PDS5A: variants seen among roughly 807,000 people sequenced by gnomAD.
PDS5A encodes the protein sister chromatid cohesion protein PDS5 homolog A.
PDS5A carries 42 observed loss-of-function variants against 167.1 expected under a neutral mutation model. The observed-to-expected ratio is 0.25, with a 90% confidence interval of 0.20 to 0.33. The LOEUF is 0.33. Among genes scored for constraint, PDS5A ranks in the 10% least tolerant of loss-of-function variants. The pLI is 1.00. For synonymous variants in PDS5A, 553 were observed against 554.6 expected (o/e 1.00, Z 0.04); for missense variants, 1,033 against 1,605.9 (o/e 0.64, Z 6.10).
chr4:39,885,719 A>G (rs1721398561), intron 17 of PDS5A, among the ~76,000 whole-genome samples: 1 of 152,212 alleles, frequency 6.6e-6, no homozygotes, highest in Non-Finnish European at 1.5e-5. Context: ...GTTCGAGACC[A>G]GCCTGGACGG....
intron 16 of PDS5A, among the ~76,000 whole-genome samples, chr4:39,891,131 T>G (rs942244958): frequency 4.0e-5 from 6 of 151,738 alleles, no homozygotes; most frequent in Admixed American, 3.9e-4. Flanking sequence ...CTTCCCAGGT[T>G]CAAACAACTC....
chr4:39,904,883 T>C (rs1723199313), intron 11 of PDS5A, among the ~76,000 whole-genome samples: 1 of 152,172 alleles, frequency 6.6e-6, no homozygotes, highest in African/African-American at 2.4e-5. Context: ...TGAAAGAAAA[T>C]TCACCAAGTT....
chr4:39,856,778 C>T (rs957706192), intron 26 of PDS5A, among the ~76,000 whole-genome samples: 34 of 151,626 alleles, frequency 2.2e-4, no homozygotes, highest in African/African-American at 8.0e-4. Flanking sequence ...ATCACGCCAC[C>T]GCACTCCAGC....
At chr4:39,859,948 C>T (rs973730815) in intron 26 of PDS5A, among the ~76,000 whole-genome samples, 5 of 152,148 alleles carry the variant, frequency 3.3e-5, no homozygotes, top group African/African-American at 9.7e-5. Flanking sequence ...ATGATGGTTC[C>T]TCAGGCTGGG....
chr4:39,883,882 C>T (rs1368068109), intron 17 of PDS5A, among the ~76,000 whole-genome samples: 2 of 151,482 alleles, frequency 1.3e-5, no homozygotes, highest in South Asian at 2.1e-4. Context: ...CACCCACCTC[C>T]GCCTCCCAAA....
intron 17 of PDS5A, among the ~76,000 whole-genome samples, chr4:39,881,563 C>A (rs545726587): frequency 6.6e-6 from 1 of 151,946 alleles, no homozygotes; most frequent in Admixed American, 6.6e-5. Context: ...GTATAATATA[C>A]CACACAATTC....
intron 22 of PDS5A, among the ~76,000 whole-genome samples, chr4:39,868,322 G>A (rs1560440464): frequency 6.6e-6 from 1 of 151,912 alleles, no homozygotes; most frequent in South Asian, 2.1e-4. Context: ...CACCACACCC[G>A]GCCAAATTAT....
Position 39,873,157 on chromosome 4 carries a change from AAC to A in PDS5A, c.2278-15_2278-14del, listed in dbSNP as rs1720191277. The stretch of plus-strand genomic sequence containing the variant: ...TCCTACTGAGTGGCTATAAAAATAA[AAC>A]AGACAAAATTACCAATTTGTTTGAT... On this transcript the variant is annotated splice_polypyrimidine_tract_variant and intron_variant, in intron 20 of 32. Coordinates refer to ENST00000303538, the MANE Select transcript of PDS5A (RefSeq NM_001100399.2). 2 of 1,446,938 alleles carry A rather than the reference AAC, an allele frequency of 1.4e-6. No individual in the cohort carries two copies. Among genetic ancestry groups the A allele is most frequent in the Non-Finnish European group, 1.9e-6 (2 of 1,077,604 alleles). The allele number at this position is 1,446,938 out of a possible 1,614,324, so 89.6% of individuals were successfully genotyped here.
chr4:39,842,125 A>C (rs955502314), intron 30 of PDS5A, 69 bp from the exon 31 acceptor site: 38 of 984,564 alleles, frequency 3.9e-5, no homozygotes, highest in Non-Finnish European at 5.9e-5. Flanking sequence ...CACCGTACCA[A>C]TAAAGAAAGG....
chr4:39,939,339 C>T (rs536806594), intron 2 of PDS5A, among the ~76,000 whole-genome samples: 7 of 152,046 alleles, frequency 4.6e-5, no homozygotes, highest in East Asian at 3.9e-4. Context: ...TGGAGACATG[C>T]GCCTGTAGTC....
chr4:39,930,057 T>C (rs2109741760), intron 2 of PDS5A, among the ~76,000 whole-genome samples: 2 of 150,064 alleles, frequency 1.3e-5, no homozygotes, highest in African/African-American at 4.9e-5. Flanking sequence ...CTACTAAAAA[T>C]ACAAAAAATT....
At chr4:39,906,153 A>G (rs967576475) in intron 11 of PDS5A, among the ~76,000 whole-genome samples, 1 of 152,218 alleles carries the variant, frequency 6.6e-6, no homozygotes, top group Admixed American at 6.5e-5. Context: ...AGATCCCTTG[A>G]GCCCAGAAGT....
At chr4:39,877,570 C>T (rs551898929) in intron 18 of PDS5A, among the ~76,000 whole-genome samples, 8 of 151,964 alleles carry the variant, frequency 5.3e-5, no homozygotes, top group Non-Finnish European at 7.4e-5. Context: ...CTTTGTGTAA[C>T]GTAAACAAAA....
chr4:39,877,239 A>C, intron 18 of PDS5A, 86 bp from the exon 19 acceptor site: 2 of 837,226 alleles, frequency 2.4e-6, no homozygotes, highest in South Asian at 4.3e-5. Context: ...GAAAAAAAAA[A>C]TTAAATTCTG....
intron 2 of PDS5A, among the ~76,000 whole-genome samples, chr4:39,971,003 C>T (rs1191584822): frequency 6.6e-6 from 1 of 151,582 alleles, no homozygotes; most frequent in East Asian, 1.9e-4. Context: ...AATTCCTGGG[C>T]TCAAGTGTTC....
intron 16 of PDS5A, among the ~76,000 whole-genome samples, chr4:39,896,026 GTT>G (rs34412885): frequency 1.5e-5 from 2 of 132,978 alleles, no homozygotes; most frequent in African/African-American, 2.8e-5. Flanking sequence ...ACCTGGCCCG[GTT>G]TTTTTTTTTT....
chr4:39,869,470 C>T lies in PDS5A; in HGVS notation c.2437-8G>A. On this transcript the variant is annotated splice_region_variant and splice_polypyrimidine_tract_variant and intron_variant, in intron 21 of 32. Coordinates refer to ENST00000303538, the MANE Select transcript of PDS5A (RefSeq NM_001100399.2). The stretch of plus-strand genomic sequence containing the variant: ...ATTCTTTTCACCTGTTGACTATAGA[C>T]AATTGAATAAATTTAGCTATTAGCA... 3.8e-6 allele frequency: 6 copies of T among 1,558,486 alleles called. No homozygotes were observed. The highest frequency in any genetic ancestry group is 2.2e-5 in the East Asian group (1 of 44,592).
intron 9 of PDS5A, among the ~76,000 whole-genome samples, chr4:39,911,391 G>A (rs1385027205): frequency 8.6e-5 from 11 of 128,524 alleles, no homozygotes; most frequent in African/African-American, 2.9e-4. Flanking sequence ...GTAAGACTCC[G>A]TCTCAAAAAA....
intron 26 of PDS5A, among the ~76,000 whole-genome samples, chr4:39,851,729 A>T (rs939285005): frequency 6.6e-6 from 1 of 152,214 alleles, no homozygotes; most frequent in Non-Finnish European, 1.5e-5. Context: ...TATCTGAGCA[A>T]CTATATACTA....
Sources: allele counts gnomAD v4.1 joint callset (sites outside exome capture counted in the v4.1 genomes callset), GRCh38; gene constraint gnomAD v4.1.1; transcripts MANE v1.5; gene names NCBI Gene and HGNC (gene_info 2026-07-23, HGNC 2026-07-21).